The following ADGRG7 variants were observed in gnomAD, a reference collection of about 807,000 sequenced individuals.
ADGRG7 encodes adhesion G protein-coupled receptor G7.
A neutral mutation model predicts 88.6 loss-of-function variants in ADGRG7; 82 were observed. The observed-to-expected ratio is 0.93, with a 90% CI of 0.77 to 1.11. ADGRG7 has a LOEUF of 1.11. Ranked by LOEUF, ADGRG7 falls within the 50% of genes most tolerant of loss-of-function variation. The pLI is 0.00. For synonymous variants in ADGRG7, 381 were observed against 345.2 expected (o/e 1.10, Z -1.15); for missense variants, 945 against 953.4 (o/e 0.99, Z 0.12).
chr3:100,640,473 G>A (rs548982253), intron 6 of ADGRG7, among the ~76,000 whole-genome samples: 16 of 152,076 alleles, frequency 1.1e-4, no homozygotes, highest in Non-Finnish European at 2.1e-4. Flanking sequence ...GGTTTCTGCT[G>A]GTGAGGGCAT....
chr3:100,656,032 C>A (rs951782188), intron 13 of ADGRG7, 37 bp downstream of exon 13: 10 of 1,289,522 alleles, frequency 7.8e-6, no homozygotes, highest in African/African-American at 4.4e-5. Flanking sequence ...AATTGTTTGA[C>A]CTAAAAGTGT....
chr3:100,694,608 C>T, intron 15 of ADGRG7, 136 bp from the exon 16 acceptor site: 2 of 787,126 alleles, frequency 2.5e-6, no homozygotes, highest in Non-Finnish European at 4.0e-6. Context: ...AAGTGCATGG[C>T]AGCTGCACAC....
rs140067812 is a variant in ADGRG7 at position 100,694,641 on chromosome 3, T to C, written c.2137-103T>C. On this transcript the variant is annotated intron_variant, in intron 15 of 15. Transcript: ENST00000273352. ...CACTGGCAAATTCAAGTTGGGGAAGTGCCGTGCAGATGAGAAGGTTGGGTG... is the reference window on the plus strand; with the variant it reads ...CACTGGCAAATTCAAGTTGGGGAAGCGCCGTGCAGATGAGAAGGTTGGGTG... The C allele has an allele frequency of 2.2e-4, 234 of 1,087,128 alleles. No individual in the cohort carries two copies. In the African/African-American group the frequency reaches 3.3e-3, roughly 15 times the overall value. The allele number at this position is 1,087,128 out of a possible 1,614,324, so 67.3% of individuals were successfully genotyped here.
At chr3:100,635,560 A>C (rs1347525063) in intron 4 of ADGRG7, 117 bp from the exon 5 acceptor site, 1 of 1,498,856 alleles carries the variant, frequency 6.7e-7, no homozygotes, top group African/African-American at 1.4e-5. Context: ...CTGAGTGGAC[A>C]TGGTGTTCAG....
At chr3:100,633,490 A>G in intron 4 of ADGRG7, 113 bp downstream of exon 4, 1 of 484,830 alleles carries the variant, frequency 2.1e-6, no homozygotes, top group Middle Eastern at 2.9e-4. Flanking sequence ...TCAAATTAGT[A>G]ATAACAAAAA....
chr3:100,679,582 C>T (rs374645491), intron 15 of ADGRG7, among the ~76,000 whole-genome samples: 14 of 152,340 alleles, frequency 9.2e-5, no homozygotes, highest in African/African-American at 2.9e-4. Flanking sequence ...TCCTTACAGA[C>T]TATTTTTAAT....
At chr3:100,682,356 C>G (rs79424945) in intron 15 of ADGRG7, among the ~76,000 whole-genome samples, 11 of 152,184 alleles carry the variant, frequency 7.2e-5, no homozygotes, top group African/African-American at 2.4e-4. Flanking sequence ...GCTGGGGTCA[C>G]GCTTCAGGGG....
intron 1 of ADGRG7, among the ~76,000 whole-genome samples, chr3:100,626,871 A>C (rs1707387101): frequency 6.6e-6 from 1 of 152,196 alleles, no homozygotes; most frequent in Admixed American, 6.5e-5. Context: ...TTTTGATGCT[A>C]TTTTAAATGA....
intron 1 of ADGRG7, among the ~76,000 whole-genome samples, chr3:100,624,546 C>T (rs1332566026): frequency 6.6e-6 from 1 of 152,144 alleles, no homozygotes; most frequent in Non-Finnish European, 1.5e-5. Flanking sequence ...TTAATTAGAT[C>T]CCATTTGTCA....
At chr3:100,638,827 C>A (rs6793682) in intron 6 of ADGRG7, among the ~76,000 whole-genome samples, 48,350 of 152,022 alleles carry the variant, frequency 0.32, 8,404 homozygotes, top group South Asian at 0.47. Flanking sequence ...TTCATAGAGG[C>A]CCCTTGTTGG....
intron 14 of ADGRG7, among the ~76,000 whole-genome samples, chr3:100,660,228 C>T (rs370079580): frequency 2.6e-5 from 4 of 152,308 alleles, no homozygotes; most frequent in African/African-American, 9.6e-5. Context: ...TTTATTAATA[C>T]AGTCCAGTAC....
intron 1 of ADGRG7, among the ~76,000 whole-genome samples, chr3:100,627,318 G>A (rs1553690634): frequency 1.3e-5 from 2 of 152,138 alleles, no homozygotes; most frequent in Non-Finnish European, 2.9e-5. Context: ...TGAGATGATC[G>A]TGAAGTTTAT....
At chr3:100,640,736 A>T (rs1327662034) in intron 6 of ADGRG7, among the ~76,000 whole-genome samples, 2 of 152,016 alleles carry the variant, frequency 1.3e-5, no homozygotes, top group Non-Finnish European at 2.9e-5. Context: ...TGATCAGGCT[A>T]ATCTTGAACT....
At chr3:100,679,553 T>C (rs1471796116) in intron 15 of ADGRG7, among the ~76,000 whole-genome samples, 1 of 152,220 alleles carries the variant, frequency 6.6e-6, no homozygotes, top group Non-Finnish European at 1.5e-5. Flanking sequence ...TATTTGGTCA[T>C]CTTGCTCCAC....
intron 4 of ADGRG7, among the ~76,000 whole-genome samples, chr3:100,634,242 T>C (rs537849251): frequency 2.0e-5 from 3 of 152,332 alleles, no homozygotes; most frequent in Non-Finnish European, 4.4e-5. Context: ...AACCTTTATG[T>C]ACAGCCTTTC....
At chr3:100,650,237 GAA>G (rs1224351914) in intron 11 of ADGRG7, among the ~76,000 whole-genome samples, 3 of 152,134 alleles carry the variant, frequency 2.0e-5, no homozygotes, top group Non-Finnish European at 4.4e-5. Flanking sequence ...TTCAAATGGT[GAA>G]AGTTTTTGAA....
Position 100,659,678 on chromosome 3 carries a change from T to G in ADGRG7, c.1824-10T>G. The G allele has an allele frequency of 6.2e-7, 1 of 1,611,160 alleles. No homozygotes were observed. The highest frequency in any genetic ancestry group is 1.1e-5 in the South Asian group (1 of 90,608). The stretch of plus-strand genomic sequence containing the variant: ...TAGTCTGCTGAAGCAATTTTTTTTT[T>G]CCTCCACAGCTGCTGGCTGGCAATT... On this transcript the variant is annotated splice_polypyrimidine_tract_variant and intron_variant, in intron 13 of 15. Transcript: ENST00000273352.
chr3:100,662,248 A>G (rs2094946511), intron 14 of ADGRG7, among the ~76,000 whole-genome samples: 1 of 152,156 alleles, frequency 6.6e-6, no homozygotes, highest in African/African-American at 2.4e-5. Flanking sequence ...GATACAGTTT[A>G]TGGCTACATT....
Position 100,611,312 on chromosome 3 carries a change from C to CTTCT in ADGRG7, c.115+1344_115+1345insTTTC, listed in dbSNP as rs1321933644. ...CCTTCCTTCCTTCCTTTCTTCTTTC[C>CTTCT]TTCCTTCCTTCCTTCCTCCCTTCCT... is the stretch of plus-strand genomic sequence containing the variant. On this transcript the variant is annotated intron_variant, in intron 1 of 15. Coordinates refer to ENST00000273352, the MANE Select transcript of ADGRG7 (RefSeq NM_032787.3). Among the ~76,000 whole-genome samples, 12 of 147,482 alleles carry CTTCT rather than the reference C, an allele frequency of 8.1e-5. No individual in the cohort carries two copies. In the East Asian group the frequency reaches 1.2e-3, roughly 15 times the overall value.
Sources: gnomAD v4.1 joint callset for allele counts (sites outside exome capture counted in the v4.1 genomes callset) on GRCh38, gnomAD v4.1.1 for gene constraint, MANE v1.5 for transcripts, NCBI Gene and HGNC (gene_info 2026-07-23, HGNC 2026-07-21) for gene names.